Variants in HERC4 observed in about 807,000 individuals in gnomAD.
The protein encoded by HERC4 is HECT and RLD domain containing E3 ubiquitin protein ligase 4, also known as probable E3 ubiquitin-protein ligase HERC4.
Under a neutral mutation model 124.3 loss-of-function variants are expected in HERC4, and 28 were observed. The ratio of observed to expected loss-of-function variants is 0.23; its 90% CI spans 0.17 to 0.31. The LOEUF (loss-of-function observed/expected upper bound fraction) is 0.31. Ranked by LOEUF, HERC4 falls within the 10% of genes least tolerant of loss-of-function variation. HERC4 has a pLI of 1.00. For missense variants in HERC4, 713 were observed against 1,229.3 expected, an observed-to-expected ratio of 0.58 and a Z score of 6.28; for synonymous variants, 407 against 421.5, an observed-to-expected ratio of 0.97 and a Z score of 0.42.
In HERC4 at chr10:67,922,649, G is replaced by T; in HGVS notation, c.*282C>A. On this transcript the variant is annotated 3_prime_UTR_variant, in exon 25 of 25. Transcript: ENST00000373700. ...TCACACCAGATCATTTCTGAAATAT[G>T]CAAACTCTTAAAATTCATGTTAGTA... 1 of 196,350 alleles carries T rather than the reference G, an allele frequency of 5.1e-6. No individual in the cohort carries two copies. The allele number at this position is 196,350 out of a possible 1,614,324, so 12.2% of individuals were successfully genotyped here.
At chr10:67,947,152 T>C (rs2132216339) in intron 19 of HERC4, among the ~76,000 whole-genome samples, 1 of 152,306 alleles carries the variant, frequency 6.6e-6, no homozygotes, top group South Asian at 2.1e-4. Flanking sequence ...GGACATTTCA[T>C]CCAGCAGCTG....
intron 3 of HERC4, among the ~76,000 whole-genome samples, chr10:68,060,826 A>G (rs1290865662): frequency 6.6e-6 from 1 of 152,138 alleles, no homozygotes; most frequent in East Asian, 1.9e-4. Flanking sequence ...CAATACTTGG[A>G]TTAGAAATTA....
At chr10:68,009,888 ACTTT>A (rs1430049157) in intron 9 of HERC4, among the ~76,000 whole-genome samples, 2 of 152,076 alleles carry the variant, frequency 1.3e-5, no homozygotes, top group Non-Finnish European at 2.9e-5. Context: ...TCAAGAAAAC[ACTTT>A]CTTTGCTCAT....
chr10:68,010,766 C>T (rs1032152114), intron 9 of HERC4: 13 of 1,495,252 alleles, frequency 8.7e-6, no homozygotes, highest in Non-Finnish European at 1.2e-5. Flanking sequence ...AAATAGAACC[C>T]CCAGGGTAAG....
intron 19 of HERC4, among the ~76,000 whole-genome samples, chr10:67,949,108 A>T (rs1446657878): frequency 6.6e-6 from 1 of 151,030 alleles, no homozygotes; most frequent in African/African-American, 2.4e-5. Flanking sequence ...AAATAAAATA[A>T]AATAAAAATA....
At chr10:68,073,610 A>G (rs1399300128) in intron 2 of HERC4, 47 bp downstream of exon 2, 1 of 153,314 alleles carries the variant, frequency 6.5e-6, no homozygotes, top group African/African-American at 2.4e-5. Flanking sequence ...CCAACTGCAG[A>G]AACATAACCT....
chr10:68,000,019 A>G (rs975810841), intron 9 of HERC4, among the ~76,000 whole-genome samples: 3 of 152,174 alleles, frequency 2.0e-5, no homozygotes, highest in Non-Finnish European at 4.4e-5. Flanking sequence ...CCGGTATGAC[A>G]AGTCACTTTT....
chr10:67,932,557 T>G, intron 23 of HERC4, 40 bp downstream of exon 23: 1 of 1,532,226 alleles, frequency 6.5e-7, no homozygotes, highest in East Asian at 2.3e-5. Flanking sequence ...CATATATAAA[T>G]CTTTCCATTT....
At chr10:68,016,930 T>C (rs1008198520) in intron 8 of HERC4, among the ~76,000 whole-genome samples, 1 of 152,146 alleles carries the variant, frequency 6.6e-6, no homozygotes, top group African/African-American at 2.4e-5. Flanking sequence ...ATTAAATCAT[T>C]TGTGATACTT....
chr10:67,981,890 G>A lies in HERC4; in HGVS notation c.1806+6773C>T, dbSNP rs138612315. Reference sequence around the variant, plus strand: ...GGGGGGGTGGAGGTTGCAGTGAGCCGAGATCAGGCCACTGTACTTACTCCA... The same window carrying A: ...GGGGGGGTGGAGGTTGCAGTGAGCCAAGATCAGGCCACTGTACTTACTCCA... On this transcript the variant is annotated intron_variant, in intron 15 of 24. Transcript: ENST00000373700. Among the ~76,000 whole-genome samples the A allele has an allele frequency of 5.9e-3, 898 of 152,138 alleles. 13 individuals are homozygous for A. Among genetic ancestry groups the A allele is most frequent in the African/African-American group, 0.021 (863 of 41,486 alleles).
chr10:68,029,895 C>A (rs1272493817), intron 7 of HERC4, among the ~76,000 whole-genome samples: 1 of 151,148 alleles, frequency 6.6e-6, no homozygotes, highest in Non-Finnish European at 1.5e-5. Flanking sequence ...CCTGCCACCA[C>A]GCCCGGCTAA....
chr10:67,959,033 G>T (rs1167295277), intron 16 of HERC4: 5 of 1,207,334 alleles, frequency 4.1e-6, no homozygotes, highest in Non-Finnish European at 5.8e-6. Flanking sequence ...CCAAAAAAAC[G>T]AATCTTTGGC....
chr10:68,059,525 A>ATTATATATC lies in HERC4; in HGVS notation c.226+13357_226+13358insGATATATAA, dbSNP rs1363368197. ...ATATTATAATATTATATATCATAAT[A>ATTATATATC]ATATTATATATCATATTATATATCA... On this transcript the variant is annotated intron_variant, in intron 3 of 24. Transcript: ENST00000373700. Among the ~76,000 whole-genome samples the ATTATATATC allele has an allele frequency of 3.6e-3, 401 of 109,900 alleles. 8 individuals carry two copies. Among genetic ancestry groups the ATTATATATC allele is most frequent in the South Asian group, 9.4e-3 (34 of 3,616 alleles). 72.1% of individuals were successfully genotyped at this position (109,900 alleles called of 152,430 possible). A position where few individuals can be genotyped will look rare whatever the true frequency, so the allele number is the denominator to read the frequency against.
intron 19 of HERC4, among the ~76,000 whole-genome samples, chr10:67,951,669 G>T (rs116572004): frequency 6.6e-6 from 1 of 152,104 alleles, no homozygotes; most frequent in Non-Finnish European, 1.5e-5. Flanking sequence ...ATATGATTGC[G>T]TCTAGAGCTA....
At chr10:68,038,490 G>C (rs2039592957) in intron 4 of HERC4, 1 of 178,844 alleles carries the variant, frequency 5.6e-6, no homozygotes, top group Admixed American at 6.2e-5. Context: ...ATAAAAACGT[G>C]TTTTTAAATC....
At chr10:67,990,104 C>A in intron 14 of HERC4, 107 bp downstream of exon 14, 1 of 811,246 alleles carries the variant, frequency 1.2e-6, no homozygotes, top group Non-Finnish European at 1.9e-6. Context: ...TTGCCTAAGA[C>A]AGTGTCAAAT....
chr10:67,995,366 G>C, intron 9 of HERC4: 1 of 251,284 alleles, frequency 4.0e-6, no homozygotes, highest in Non-Finnish European at 8.0e-6. Context: ...CTATTATATA[G>C]TTATCTTATA....
At chr10:67,998,033 G>A (rs1048369600) in intron 9 of HERC4, among the ~76,000 whole-genome samples, 2 of 151,996 alleles carry the variant, frequency 1.3e-5, no homozygotes, top group African/African-American at 4.8e-5. Flanking sequence ...GGAGTAGCTG[G>A]GACTATAGGT....
At chr10:67,941,669 CTTTTTTTTTT>C (rs755666986) in intron 19 of HERC4, among the ~76,000 whole-genome samples, 7,950 of 91,904 alleles carry the variant, frequency 0.087, 738 homozygotes, top group African/African-American at 0.3. Flanking sequence ...TAAAACACAA[CTTTTTTTTTT>C]TTTTTTTTTT....
Sources: allele counts gnomAD v4.1 joint callset (sites outside exome capture counted in the v4.1 genomes callset), GRCh38; gene constraint gnomAD v4.1.1; transcripts MANE v1.5; gene names NCBI Gene and HGNC (gene_info 2026-07-23, HGNC 2026-07-21).